Variants in CCDC171 observed in about 807,000 individuals in gnomAD.
CCDC171 encodes coiled-coil domain containing 171.
Under a neutral mutation model 168.2 loss-of-function variants are expected in CCDC171, and 177 were observed. The observed-to-expected ratio is 1.05, with a 90% CI of 0.93 to 1.19. CCDC171 has a LOEUF of 1.19. CCDC171 is among the 50% of genes most tolerant of loss of function. The probability of loss-of-function intolerance (pLI) is 0.00; values close to 1 mark genes in which losing one functional copy is unlikely to be tolerated. For missense variants in CCDC171, 1,991 were observed against 1,539.0 expected, an observed-to-expected ratio of 1.29 and a Z score of -4.91; for synonymous variants, 687 against 540.8, an observed-to-expected ratio of 1.27 and a Z score of -3.75.
At chr9:15,595,256 T>C (rs2042258941) in intron 6 of CCDC171, among the ~76,000 whole-genome samples, 1 of 152,102 alleles carries the variant, frequency 6.6e-6, no homozygotes, top group Admixed American at 6.5e-5. Flanking sequence ...CATTAACTTG[T>C]CATTTAACAT....
chr9:16,034,456 G>T (rs1833426892), intron 6 of CCDC171, among the ~76,000 whole-genome samples: 2 of 152,170 alleles, frequency 1.3e-5, no homozygotes, highest in Admixed American at 6.5e-5. Flanking sequence ...TGGGAAGGGA[G>T]ATCTCACACA....
chr9:16,040,273 T>G (rs547748598), upstream of CCDC171, among the ~76,000 whole-genome samples: 1 of 152,268 alleles, frequency 6.6e-6, no homozygotes, highest in East Asian at 1.9e-4. Context: ...TTCCTTATCT[T>G]GATCCCCCCA....
chr9:16,008,836 G>T (rs1832780175), intron 3 of CCDC171, among the ~76,000 whole-genome samples: 1 of 152,092 alleles, frequency 6.6e-6, no homozygotes, highest in Non-Finnish European at 1.5e-5. Context: ...GCTGCCCTGG[G>T]TTCCACTCGC....
intron 19 of CCDC171, among the ~76,000 whole-genome samples, chr9:15,778,643 C>CAAAAAAAAAAAAAAAAAAAA (rs527592822): frequency 3.4e-5 from 2 of 58,794 alleles, no homozygotes; most frequent in African/African-American, 6.7e-5. Context: ...AAGACTGTCT[C>CAAAAAAAAAAAAAAAAAAAA]AAAAAAAAAA....
chr9:15,608,944 CAAAAAAAAAAAAAAAAA>C (rs71491669), intron 6 of CCDC171, among the ~76,000 whole-genome samples: 2 of 13,708 alleles, frequency 1.5e-4, no homozygotes, highest in Non-Finnish European at 2.6e-4. Context: ...GACCCTGTCT[CAAAAAAAAAAAAAAAAA>C]AAAAAAAAAA....
upstream of CCDC171, among the ~76,000 whole-genome samples, chr9:16,040,280 C>T (rs889165060): frequency 6.6e-6 from 1 of 152,180 alleles, no homozygotes; most frequent in African/African-American, 2.4e-5. Flanking sequence ...TCTTGATCCC[C>T]CCACTTCTCC....
At chr9:15,989,680 A>C (rs1416896466) in intron 3 of CCDC171, among the ~76,000 whole-genome samples, 3 of 152,198 alleles carry the variant, frequency 2.0e-5, no homozygotes, top group African/African-American at 7.2e-5. Context: ...AAACCTTGAA[A>C]AAAAGATTAG....
At chr9:16,012,364 A>G (rs1832892191) in intron 3 of CCDC171, among the ~76,000 whole-genome samples, 1 of 152,190 alleles carries the variant, frequency 6.6e-6, no homozygotes, top group Non-Finnish European at 1.5e-5. Context: ...AACACATTGA[A>G]CAAATACACT....
At chr9:15,900,023 G>C (rs974024923) in intron 24 of CCDC171, among the ~76,000 whole-genome samples, 1 of 152,090 alleles carries the variant, frequency 6.6e-6, no homozygotes, top group African/African-American at 2.4e-5. Flanking sequence ...TTTTGAGTTA[G>C]TTTTGGTATA....
At chr9:15,787,965 T>A (rs7865391) in intron 21 of CCDC171, among the ~76,000 whole-genome samples, 143,330 of 152,316 alleles carry the variant, frequency 0.94, 67,511 homozygotes, top group East Asian at 1. Context: ...TCTTTGTCAT[T>A]TTGAAGTCTT....
At chr9:15,672,848 G>A (rs1051353046) in intron 9 of CCDC171, among the ~76,000 whole-genome samples, 1 of 152,068 alleles carries the variant, frequency 6.6e-6, no homozygotes, top group Non-Finnish European at 1.5e-5. Flanking sequence ...GCTCTTTTTT[G>A]GTTCCATATG....
intron 1 of CCDC171, among the ~76,000 whole-genome samples, chr9:16,053,466 C>T (rs539770620): frequency 3.3e-5 from 5 of 152,364 alleles, no homozygotes; most frequent in African/African-American, 9.6e-5. Context: ...TGTGTCTAGT[C>T]AGGTTACTGG....
At chr9:15,704,059 A>G (rs1172263362) in intron 11 of CCDC171, among the ~76,000 whole-genome samples, 1 of 152,234 alleles carries the variant, frequency 6.6e-6, no homozygotes, top group African/African-American at 2.4e-5. Context: ...GACTTGCTCA[A>G]GGTAGGTTGC....
chr9:15,836,926 T>G (rs1588764450), intron 21 of CCDC171, among the ~76,000 whole-genome samples: 1 of 152,324 alleles, frequency 6.6e-6, no homozygotes, highest in East Asian at 1.9e-4. Context: ...GTAACTTATC[T>G]TTTTCATTAT....
At chr9:15,917,248 T>C (rs2131941448) in intron 24 of CCDC171, among the ~76,000 whole-genome samples, 1 of 152,026 alleles carries the variant, frequency 6.6e-6, no homozygotes, top group Non-Finnish European at 1.5e-5. Context: ...TCAGTGATAC[T>C]CCTCATACCT....
At chr9:15,948,089 T>A (rs994490591) in intron 25 of CCDC171, among the ~76,000 whole-genome samples, 3 of 151,262 alleles carry the variant, frequency 2.0e-5, no homozygotes, top group African/African-American at 7.3e-5. Context: ...GGTTTTTTGT[T>A]CTTGCGATAG....
chr9:15,742,114 G>T (rs1443794853), intron 16 of CCDC171, among the ~76,000 whole-genome samples: 3 of 151,722 alleles, frequency 2.0e-5, no homozygotes, highest in Non-Finnish European at 4.4e-5. Context: ...AATTGATTTT[G>T]AAGAGAATAT....
chr9:15,615,396 G>T (rs2044007025), intron 6 of CCDC171, among the ~76,000 whole-genome samples: 1 of 152,054 alleles, frequency 6.6e-6, no homozygotes, highest in African/African-American at 2.4e-5. Context: ...CTATATCTGT[G>T]TGTGTATTTA....
At position 15,793,848 on chromosome 9, in the gene CCDC171, T is replaced by C. The variant is rs972745106; in HGVS notation, c.3267+9154T>C. ...TGATGTGACAGATATATTAATCTTA[T>C]ATGCAGCCACATTGCTGAACTCTCT... is the stretch of plus-strand genomic sequence containing the variant. On this transcript the variant is annotated intron_variant, in intron 21 of 25. Coordinates refer to ENST00000380701, the MANE Select transcript of CCDC171 (RefSeq NM_173550.4). 7.6e-4 allele frequency among the ~76,000 whole-genome samples: 115 copies of C among 152,230 alleles called. 1 individual carries two copies. The highest frequency in any genetic ancestry group is 2.6e-3 in the African/African-American group (106 of 41,550).
Sources: gnomAD v4.1 joint callset for allele counts (sites outside exome capture counted in the v4.1 genomes callset) on GRCh38, gnomAD v4.1.1 for gene constraint, MANE v1.5 for transcripts, NCBI Gene and HGNC (gene_info 2026-07-23, HGNC 2026-07-21) for gene names.